Variants in ATXN1 observed in about 807,000 individuals in gnomAD.
ATXN1 encodes ataxin 1.
In ATXN1, 8 loss-of-function variants were observed where a neutral mutation model predicts 56.4. That is an observed-to-expected ratio of 0.14 (90% CI 0.08 to 0.26). ATXN1 has a LOEUF of 0.26. ATXN1 is among the 10% of genes least tolerant of loss of function. The pLI, the probability that ATXN1 is intolerant of heterozygous loss-of-function variation, is 1.00. For synonymous variants in ATXN1, 514 were observed against 494.6 expected, an observed-to-expected ratio of 1.04 and a Z score of -0.52; for missense variants, 987 against 1,106.5, an observed-to-expected ratio of 0.89 and a Z score of 1.53.
intron 4 of ATXN1, among the ~76,000 whole-genome samples, chr6:16,563,856 C>A (rs1762165439): frequency 6.6e-6 from 1 of 152,210 alleles, no homozygotes; most frequent in South Asian, 2.1e-4. Context: ...ACGGGGAACA[C>A]AAATGCCCGC....
chr6:16,666,177 C>T (rs184216145), intron 2 of ATXN1, among the ~76,000 whole-genome samples: 14 of 152,300 alleles, frequency 9.2e-5, no homozygotes, highest in Non-Finnish European at 1.5e-5. Context: ...CATCATTCTA[C>T]TCTCTGTCTC....
intron 1 of ATXN1, among the ~76,000 whole-genome samples, chr6:16,757,390 T>G (rs1285040250): frequency 6.6e-6 from 1 of 152,236 alleles, no homozygotes; most frequent in Non-Finnish European, 1.5e-5. Context: ...TTTTTCTATA[T>G]GTTGCAAAAT....
At chr6:16,429,056 G>A (rs901696782) in intron 6 of ATXN1, among the ~76,000 whole-genome samples, 1 of 151,972 alleles carries the variant, frequency 6.6e-6, no homozygotes, top group Non-Finnish European at 1.5e-5. Flanking sequence ...CGAGGGTAGG[G>A]GGGTGGGAGG....
chr6:16,590,928 C>T (rs145605557), intron 3 of ATXN1, among the ~76,000 whole-genome samples: 1,908 of 151,874 alleles, frequency 0.013, 20 homozygotes, highest in Middle Eastern at 0.021. Flanking sequence ...CCATAACCTC[C>T]GCCTTCCAGG....
At chr6:16,703,148 G>T (rs1398521533) in intron 2 of ATXN1, among the ~76,000 whole-genome samples, 1 of 152,058 alleles carries the variant, frequency 6.6e-6, no homozygotes, top group Non-Finnish European at 1.5e-5. Context: ...ATACTATGCA[G>T]CCATAAAAAA....
chr6:16,349,271 G>A (rs750255069), intron 6 of ATXN1, among the ~76,000 whole-genome samples: 2 of 152,192 alleles, frequency 1.3e-5, no homozygotes, highest in Admixed American at 6.5e-5. Context: ...TTGGGAGGCT[G>A]AGGCTGGTGG....
chr6:16,526,192 T>C (rs1322808627), intron 4 of ATXN1, among the ~76,000 whole-genome samples: 2 of 151,868 alleles, frequency 1.3e-5, no homozygotes, highest in Non-Finnish European at 2.9e-5. Context: ...CATCATAACA[T>C]TTGAGGACTG....
intron 7 of ATXN1, among the ~76,000 whole-genome samples, chr6:16,313,837 C>T (rs1230636796): frequency 1.3e-5 from 2 of 152,192 alleles, no homozygotes; most frequent in South Asian, 2.1e-4. Context: ...GCTAGGATTA[C>T]AGAAGTGAGT....
At chr6:16,324,397 G>A (rs1282966109) in intron 7 of ATXN1, among the ~76,000 whole-genome samples, 1 of 151,836 alleles carries the variant, frequency 6.6e-6, no homozygotes, top group Non-Finnish European at 1.5e-5. Context: ...GCCACAGTGA[G>A]CTATGATTGC....
chr6:16,580,398 G>C (rs1762507253), intron 4 of ATXN1, among the ~76,000 whole-genome samples: 1 of 152,196 alleles, frequency 6.6e-6, no homozygotes, highest in Non-Finnish European at 1.5e-5. Context: ...CTGTATGAAA[G>C]TTGGATTTCT....
chr6:16,580,066 T>C (rs183376102), intron 4 of ATXN1, among the ~76,000 whole-genome samples: 2 of 152,306 alleles, frequency 1.3e-5, no homozygotes, highest in Admixed American at 1.3e-4. Flanking sequence ...AAAAAAAAAG[T>C]ACTTCCAAGA....
intron 3 of ATXN1, among the ~76,000 whole-genome samples, chr6:16,598,485 G>A (rs1201599763): frequency 6.6e-6 from 1 of 152,152 alleles, no homozygotes; most frequent in Non-Finnish European, 1.5e-5. Context: ...TCACTTTGAG[G>A]AAATTATTTA....
At chr6:16,621,741 T>G (rs1299224790) in intron 3 of ATXN1, among the ~76,000 whole-genome samples, 1 of 151,982 alleles carries the variant, frequency 6.6e-6, no homozygotes, top group Non-Finnish European at 1.5e-5. Context: ...ATTAAACAAA[T>G]GATGAGTTGA....
intron 2 of ATXN1, chr6:16,739,732 T>G: frequency 2.3e-6 from 1 of 439,524 alleles, no homozygotes; most frequent in Non-Finnish European, 4.7e-6. Context: ...CTCAGGGATG[T>G]CGTCCAAGAG....
At chr6:16,706,956 CA>C (rs1280662393) in intron 2 of ATXN1, among the ~76,000 whole-genome samples, 1 of 152,158 alleles carries the variant, frequency 6.6e-6, no homozygotes, top group Admixed American at 6.5e-5. Flanking sequence ...GAATCTCTAT[CA>C]TCTCTTTTCA....
At chr6:16,463,165 T>C (rs1760034072) in intron 6 of ATXN1, among the ~76,000 whole-genome samples, 2 of 152,142 alleles carry the variant, frequency 1.3e-5, no homozygotes, top group Admixed American at 1.3e-4. Flanking sequence ...TCTAGGAGTA[T>C]GGGAAAATGA....
At chr6:16,633,192 C>T (rs909473173) in intron 3 of ATXN1, among the ~76,000 whole-genome samples, 1 of 152,088 alleles carries the variant, frequency 6.6e-6, no homozygotes, top group Non-Finnish European at 1.5e-5. Context: ...GCATGTTTCA[C>T]CTGTTAACTT....
chr6:16,760,723 A>G lies in ATXN1; in HGVS notation c.-730+575T>C, dbSNP rs1223852476. Among the ~76,000 whole-genome samples, 6 of 150,980 alleles carry G rather than the reference A, an allele frequency of 4.0e-5. No individual in the cohort carries two copies. The highest frequency in any genetic ancestry group is 7.4e-5 in the Non-Finnish European group (5 of 67,612). On this transcript the variant is annotated intron_variant, in intron 1 of 7. Transcript: ENST00000436367. The surrounding 1 kb of genome is among the most constrained non-coding windows in gnomAD (Gnocchi z 5.3). ...CGGGCGACCACCCGCGGAGAAGTCC[A>G]GCCCTCCGTGAGACCCCCTCTCTCT...
At chr6:16,382,097 A>T (rs1040332394) in intron 6 of ATXN1, among the ~76,000 whole-genome samples, 1 of 152,112 alleles carries the variant, frequency 6.6e-6, no homozygotes, top group Non-Finnish European at 1.5e-5. Flanking sequence ...TAATCTCAGC[A>T]CTTTGGGAGG....
Sources: allele counts gnomAD v4.1 joint callset (sites outside exome capture counted in the v4.1 genomes callset), GRCh38; gene constraint gnomAD v4.1.1; non-coding constraint Gnocchi (gnomAD v3.1); transcripts MANE v1.5; gene names NCBI Gene and HGNC (gene_info 2026-07-23, HGNC 2026-07-21).